Variants in MSRA observed in about 807,000 individuals in gnomAD.
MSRA encodes methionine sulfoxide reductase A.
A neutral mutation model predicts 31.3 loss-of-function variants in MSRA; 54 were observed. That is an observed-to-expected ratio of 1.73 (90% CI 1.39 to 2.17). MSRA has a LOEUF of 2.17. Among genes scored for constraint, MSRA ranks in the 30% most tolerant of loss-of-function variants. The probability of loss-of-function intolerance (pLI) is 0.00; values close to 1 mark genes in which losing one functional copy is unlikely to be tolerated. For missense variants in MSRA, 507 were observed against 300.9 expected (o/e 1.69, Z -5.07); for synonymous variants, 169 against 116.5 (o/e 1.45, Z -2.90).
intron 1 of MSRA, among the ~76,000 whole-genome samples, chr8:10,193,381 GTGTT>G (rs1412221388): frequency 6.6e-6 from 1 of 152,200 alleles, no homozygotes; most frequent in East Asian, 1.9e-4. Context: ...TGTCTCCCCT[GTGTT>G]TGATATTTTC....
Position 10,405,838 on chromosome 8 carries a change from C to G in MSRA, c.544-22310C>G, listed in dbSNP as rs1807778267. Among the ~76,000 whole-genome samples, 5 of 49,738 alleles carry G rather than the reference C, an allele frequency of 1.0e-4. No homozygotes were observed. The South Asian group carries it at 3.5e-3, about 35-fold the overall frequency. The allele number at this position is 49,738 out of a possible 152,430, so 32.6% of individuals were successfully genotyped here. On this transcript the variant is annotated intron_variant, in intron 5 of 5. Transcript: ENST00000317173. ...ACACCCATGTGCTCACACGTAATCACAGACATGCTCACACACCCATGTACT... is the reference window on the plus strand; with the variant it reads ...ACACCCATGTGCTCACACGTAATCAGAGACATGCTCACACACCCATGTACT...
intron 1 of MSRA, among the ~76,000 whole-genome samples, chr8:10,183,561 A>G (rs1806736170): frequency 6.6e-6 from 1 of 152,168 alleles, no homozygotes; most frequent in Non-Finnish European, 1.5e-5. Context: ...AAATGGTTCA[A>G]AATATAGAAG....
intron 5 of MSRA, among the ~76,000 whole-genome samples, chr8:10,402,484 C>A (rs1159312449): frequency 6.6e-6 from 1 of 152,378 alleles, no homozygotes; most frequent in African/African-American, 2.4e-5. Flanking sequence ...CCTGAGGCTG[C>A]ATTTTGTGCA....
intron 4 of MSRA, among the ~76,000 whole-genome samples, chr8:10,315,202 G>A (rs1585442474): frequency 6.6e-6 from 1 of 152,192 alleles, no homozygotes; most frequent in African/African-American, 2.4e-5. Flanking sequence ...ATGACACGTG[G>A]GGATTATTGG....
intron 4 of MSRA, among the ~76,000 whole-genome samples, chr8:10,312,527 G>T (rs28611339): frequency 0.13 from 20,544 of 152,204 alleles, 1,606 homozygotes; most frequent in African/African-American, 0.2. Flanking sequence ...GTTTTCAAGA[G>T]ATTAGAGAGA....
At chr8:10,097,617 G>A (rs893838714) in intron 1 of MSRA, among the ~76,000 whole-genome samples, 1 of 151,982 alleles carries the variant, frequency 6.6e-6, no homozygotes, top group African/African-American at 2.4e-5. Context: ...TGCCATTTAG[G>A]TTTGCTAAAT....
At chr8:10,299,279 A>C (rs949379042) in intron 3 of MSRA, among the ~76,000 whole-genome samples, 2 of 152,132 alleles carry the variant, frequency 1.3e-5, no homozygotes, top group South Asian at 2.1e-4. Flanking sequence ...TTTCATGCCA[A>C]ATATGTCTGT....
At chr8:10,127,884 T>C (rs1290160700) in intron 1 of MSRA, among the ~76,000 whole-genome samples, 7 of 151,978 alleles carry the variant, frequency 4.6e-5, no homozygotes, top group Non-Finnish European at 8.8e-5. Context: ...CCAGGAAGAA[T>C]GGATTTTTTA....
intron 5 of MSRA, among the ~76,000 whole-genome samples, chr8:10,361,979 C>T (rs2129165636): frequency 6.6e-6 from 1 of 152,270 alleles, no homozygotes; most frequent in South Asian, 2.1e-4. Flanking sequence ...AGGCTTCCTT[C>T]CCTCCTCTCT....
intron 5 of MSRA, among the ~76,000 whole-genome samples, chr8:10,340,130 G>T (rs559305540): frequency 5.9e-5 from 9 of 152,216 alleles, no homozygotes; most frequent in African/African-American, 2.2e-4. Context: ...AGAGGCAGCC[G>T]CTTGAGACCA....
At chr8:10,301,690 A>G (rs1344086371) in intron 4 of MSRA, 52 bp downstream of exon 4, 1 of 1,426,176 alleles carries the variant, frequency 7.0e-7, no homozygotes, top group Non-Finnish European at 9.9e-7. Context: ...TACAGCTGGG[A>G]TAATTAGTGT....
chr8:10,417,411 C>T (rs1017009714), intron 5 of MSRA, among the ~76,000 whole-genome samples: 2 of 110,974 alleles, frequency 1.8e-5, no homozygotes, highest in African/African-American at 3.7e-5. Flanking sequence ...CTCATCCCTT[C>T]GTCAGAAGAC....
At chr8:10,246,834 C>G (rs751097437) in intron 3 of MSRA, among the ~76,000 whole-genome samples, 1 of 151,536 alleles carries the variant, frequency 6.6e-6, no homozygotes, top group Non-Finnish European at 1.5e-5. Context: ...TTTTTTTTAA[C>G]TTCTGTTTCA....
intron 1 of MSRA, among the ~76,000 whole-genome samples, chr8:10,075,715 C>G (rs1329528253): frequency 6.6e-6 from 1 of 152,196 alleles, no homozygotes; most frequent in Non-Finnish European, 1.5e-5. Flanking sequence ...CCACAAAGAA[C>G]TCTCGTAAGG....
intron 5 of MSRA, among the ~76,000 whole-genome samples, chr8:10,402,683 T>A (rs543703738): frequency 5.3e-5 from 8 of 152,190 alleles, no homozygotes; most frequent in Non-Finnish European, 1.2e-4. Context: ...ACAGTCACAG[T>A]AGCATTGGGA....
At chr8:10,334,920 C>T (rs1341545325) in intron 5 of MSRA, among the ~76,000 whole-genome samples, 1 of 152,248 alleles carries the variant, frequency 6.6e-6, no homozygotes, top group African/African-American at 2.4e-5. Flanking sequence ...GTTCGGGCCC[C>T]GCCGAGCCAT....
intron 1 of MSRA, among the ~76,000 whole-genome samples, chr8:10,127,861 T>C (rs1291006261): frequency 6.6e-6 from 1 of 152,208 alleles, no homozygotes; most frequent in Non-Finnish European, 1.5e-5. Context: ...CAAGTATTTT[T>C]TTTTTCAGAC....
intron 5 of MSRA, among the ~76,000 whole-genome samples, chr8:10,323,384 C>T (rs1802167943): frequency 6.6e-6 from 1 of 152,174 alleles, no homozygotes; most frequent in Admixed American, 6.5e-5. Flanking sequence ...TACCAAGCGA[C>T]TCTGGAAGCA....
intron 5 of MSRA, among the ~76,000 whole-genome samples, chr8:10,343,843 A>C (rs1032466681): frequency 6.6e-6 from 1 of 152,206 alleles, no homozygotes; most frequent in African/African-American, 2.4e-5. Context: ...AGTTTTATCT[A>C]CCCAAACAAA....
Sources: allele counts gnomAD v4.1 joint callset (sites outside exome capture counted in the v4.1 genomes callset), GRCh38; gene constraint gnomAD v4.1.1; transcripts MANE v1.5; gene names NCBI Gene and HGNC (gene_info 2026-07-23, HGNC 2026-07-21).